Variants in DRC8 observed in about 807,000 individuals in gnomAD.
DRC8 encodes the protein dynein regulatory complex protein 8.
chr1:244,971,322 G>T, the DRC8 span, among the ~76,000 whole-genome samples: 2 of 152,252 alleles, frequency 1.3e-5, no homozygotes, highest in South Asian at 4.1e-4. Flanking sequence ...GGACCACCCA[G>T]CCCCGCGCGG....
At chr1:245,009,362 A>T in the DRC8 span, among the ~76,000 whole-genome samples, 1 of 151,518 alleles carries the variant, frequency 6.6e-6, no homozygotes, top group South Asian at 2.1e-4. Flanking sequence ...TGCCTTTGTC[A>T]GTGATACTCC....
the DRC8 span, among the ~76,000 whole-genome samples, chr1:245,093,408 G>A: frequency 6.6e-6 from 1 of 151,950 alleles, no homozygotes; most frequent in East Asian, 1.9e-4. Context: ...TCTTAAAAAA[G>A]AAAAATCAGG....
At chr1:245,035,244 G>C in the DRC8 span, among the ~76,000 whole-genome samples, 1 of 151,460 alleles carries the variant, frequency 6.6e-6, no homozygotes. Context: ...GAAATGTAAG[G>C]GACCTAGAAT....
chr1:245,048,077 T>TGAG, the DRC8 span, among the ~76,000 whole-genome samples: 78 of 150,822 alleles, frequency 5.2e-4, no homozygotes, highest in Non-Finnish European at 1.0e-3. Flanking sequence ...TGGAGGAGGC[T>TGAG]GAGGAGGAGG....
chr1:245,078,006 A>G, the DRC8 span, among the ~76,000 whole-genome samples: 1 of 152,168 alleles, frequency 6.6e-6, no homozygotes, highest in Non-Finnish European at 1.5e-5. Context: ...CAGACAACTC[A>G]ATTGCAAAAA....
chr1:245,083,503 A>G, the DRC8 span: 12 of 1,609,012 alleles, frequency 7.5e-6, no homozygotes, highest in African/African-American at 1.3e-5. Context: ...ACTCCAGCTT[A>G]TATGCATATA....
At chr1:245,031,141 A>C in the DRC8 span, among the ~76,000 whole-genome samples, 55,130 of 151,832 alleles carry the variant, frequency 0.36, 10,313 homozygotes, top group African/African-American at 0.47. Flanking sequence ...CCATTCCAAC[A>C]CAGTTTCTAG....
the DRC8 span, among the ~76,000 whole-genome samples, chr1:245,118,583 G>A: frequency 6.6e-6 from 1 of 152,062 alleles, no homozygotes. Flanking sequence ...CCTAAGGTCG[G>A]GAGTACGAGA....
the DRC8 span, among the ~76,000 whole-genome samples, chr1:245,077,916 G>A: frequency 6.6e-6 from 1 of 152,008 alleles, no homozygotes; most frequent in Non-Finnish European, 1.5e-5. Context: ...AAGAAACAAG[G>A]AGCAACCTAT....
At chr1:245,109,528 C>T in the DRC8 span, among the ~76,000 whole-genome samples, 1 of 152,212 alleles carries the variant, frequency 6.6e-6, no homozygotes, top group Non-Finnish European at 1.5e-5. Context: ...GTGTGCATCG[C>T]TCTTTCCTCC....
chr1:245,013,014 A>G, the DRC8 span, among the ~76,000 whole-genome samples: 2 of 152,214 alleles, frequency 1.3e-5, no homozygotes, highest in Non-Finnish European at 2.9e-5. Context: ...ATAAAAGATG[A>G]TAATACACGA....
the DRC8 span, among the ~76,000 whole-genome samples, chr1:245,109,361 T>C: frequency 1.1e-3 from 175 of 152,198 alleles, no homozygotes; most frequent in South Asian, 0.016. Flanking sequence ...AGGGACAATC[T>C]CTGTCTCATT....
At chr1:245,042,132 G>A in the DRC8 span, among the ~76,000 whole-genome samples, 16 of 152,306 alleles carry the variant, frequency 1.1e-4, no homozygotes, top group East Asian at 2.9e-3. Context: ...TTACAGCAGG[G>A]ATTTTGTCTA....
the DRC8 span, among the ~76,000 whole-genome samples, chr1:245,043,615 A>G: frequency 6.6e-6 from 1 of 152,144 alleles, no homozygotes; most frequent in Non-Finnish European, 1.5e-5. Flanking sequence ...AAGGGACAAC[A>G]TTTTATTTTC....
the DRC8 span, among the ~76,000 whole-genome samples, chr1:245,075,005 C>A: frequency 6.6e-6 from 1 of 152,268 alleles, no homozygotes; most frequent in East Asian, 1.9e-4. Flanking sequence ...AATGCAGATG[C>A]TTTATAAACC....
the DRC8 span, among the ~76,000 whole-genome samples, chr1:245,021,558 C>T: frequency 6.6e-6 from 1 of 152,122 alleles, no homozygotes; most frequent in Non-Finnish European, 1.5e-5. Context: ...GCATTGGCCT[C>T]CCAAGTAGCT....
the DRC8 span, among the ~76,000 whole-genome samples, chr1:245,043,167 C>T: frequency 6.6e-6 from 1 of 152,164 alleles, no homozygotes; most frequent in Non-Finnish European, 1.5e-5. Context: ...TGCGGTGGCT[C>T]ACGCCTGCAA....
chr1:245,036,606 T>C, the DRC8 span, among the ~76,000 whole-genome samples: 2 of 152,182 alleles, frequency 1.3e-5, no homozygotes, highest in African/African-American at 4.8e-5. Context: ...AATCAGGTGA[T>C]GAATGGATAA....
the DRC8 span, among the ~76,000 whole-genome samples, chr1:244,989,477 T>G: frequency 5.3e-5 from 8 of 152,284 alleles, no homozygotes; most frequent in African/African-American, 1.9e-4. Flanking sequence ...GTGTCCTGAT[T>G]AGACTGGTGG....
Sources: gnomAD v4.1 joint callset for allele counts (sites outside exome capture counted in the v4.1 genomes callset) on GRCh38, gnomAD v4.1.1 for gene constraint, MANE v1.5 for transcripts, NCBI Gene and HGNC (gene_info 2026-07-23, HGNC 2026-07-21) for gene names.